The following CNBD1 variants were observed in gnomAD, a reference collection of about 807,000 sequenced individuals.
The protein encoded by CNBD1 is cyclic nucleotide-binding domain-containing protein 1.
A neutral mutation model predicts 54.4 loss-of-function variants in CNBD1; 71 were observed. The ratio of observed to expected loss-of-function variants is 1.30; its 90% CI spans 1.08 to 1.59. CNBD1 has a LOEUF of 1.59. Ranked by LOEUF, CNBD1 falls within the 40% of genes most tolerant of loss-of-function variation. The pLI is 0.00. For missense variants in CNBD1, 659 were observed against 518.0 expected (o/e 1.27, Z -2.64); for synonymous variants, 182 against 170.7 (o/e 1.07, Z -0.51).
intron 4 of CNBD1, among the ~76,000 whole-genome samples, chr8:86,968,796 A>G (rs1808152431): frequency 6.6e-6 from 1 of 152,198 alleles, no homozygotes; most frequent in African/African-American, 2.4e-5. Context: ...CATTTTTTGT[A>G]AGACAACATA....
chr8:87,205,470 CATGT>C (rs1563507048), intron 4 of CNBD1, among the ~76,000 whole-genome samples: 1 of 151,886 alleles, frequency 6.6e-6, no homozygotes, highest in East Asian at 1.9e-4. Context: ...TAATAAATAC[CATGT>C]ATTATATGAT....
At chr8:87,313,613 G>T (rs1809315846) in intron 8 of CNBD1, among the ~76,000 whole-genome samples, 1 of 151,812 alleles carries the variant, frequency 6.6e-6, no homozygotes, top group Admixed American at 6.6e-5. Flanking sequence ...TGCATAACAA[G>T]GGAAGTCTTT....
chr8:87,309,685 C>T lies in CNBD1; in HGVS notation c.1042+23014C>T, dbSNP rs534351557. On this transcript the variant is annotated intron_variant, in intron 8 of 10. Coordinates refer to ENST00000518476, the MANE Select transcript of CNBD1 (RefSeq NM_173538.3). ...CACTTATACCTATGAATAACTATAT[C>T]TACATATAAATCTGTATTTATGTCT... Among the ~76,000 whole-genome samples the T allele has an allele frequency of 5.9e-5, 9 of 152,136 alleles. No individual in the cohort carries two copies. The East Asian group carries it at 1.7e-3, about 29-fold the overall frequency.
chr8:86,975,527 A>G (rs1808322152), intron 4 of CNBD1, among the ~76,000 whole-genome samples: 1 of 152,046 alleles, frequency 6.6e-6, no homozygotes, highest in African/African-American at 2.4e-5. Flanking sequence ...AATGCACTCT[A>G]CATTCACCTA....
intron 8 of CNBD1, among the ~76,000 whole-genome samples, chr8:87,332,805 G>T (rs1048243700): frequency 6.6e-6 from 1 of 151,970 alleles, no homozygotes; most frequent in Admixed American, 6.6e-5. Flanking sequence ...TTGAAGTCAG[G>T]TGATGCCTCC....
Position 87,102,677 on chromosome 8 carries a change from G to T in CNBD1, c.432-103316G>T, listed in dbSNP as rs970530975. Among the ~76,000 whole-genome samples, 13 of 152,030 alleles carry T rather than the reference G, an allele frequency of 8.6e-5. 1 individual carries two copies. Among genetic ancestry groups the T allele is most frequent in the Admixed American group, 7.9e-4 (12 of 15,254 alleles). ...TGCCCAGGCTGGAGTGCAGTGGCGC[G>T]ATTTCGGCTCACTGCAAGCTCTGCC... On this transcript the variant is annotated intron_variant, in intron 4 of 10. Transcript: ENST00000518476.
At chr8:87,132,609 T>C (rs921842411) in intron 4 of CNBD1, among the ~76,000 whole-genome samples, 4 of 147,918 alleles carry the variant, frequency 2.7e-5, no homozygotes, top group Non-Finnish European at 6.0e-5. Context: ...TATCAAGATA[T>C]ATATTTATGT....
rs150763689 is a variant in CNBD1 at position 86,902,299 on chromosome 8, G to T, written c.159-2782G>T. 9.2e-5 allele frequency among the ~76,000 whole-genome samples: 14 copies of T among 152,022 alleles called. No homozygotes were observed. In the East Asian group the frequency reaches 2.1e-3, roughly 23 times the overall value. On this transcript the variant is annotated intron_variant, in intron 2 of 10. Transcript: ENST00000518476. ...TTAATATATACCTTTTTGGGAGTTG[G>T]GGGGGGAGCCATACAATCCATAGCA...
intron 10 of CNBD1, among the ~76,000 whole-genome samples, chr8:87,374,134 A>G (rs575759431): frequency 1.3e-5 from 2 of 151,826 alleles, no homozygotes; most frequent in Non-Finnish European, 2.9e-5. Flanking sequence ...AATGTAGGCA[A>G]TAATGTGCCC....
At chr8:87,020,367 C>T (rs1005109844) in intron 4 of CNBD1, among the ~76,000 whole-genome samples, 3 of 152,076 alleles carry the variant, frequency 2.0e-5, no homozygotes, top group Non-Finnish European at 1.5e-5. Context: ...TGGGAATAAG[C>T]ATTCCTAGTG....
At position 87,230,331 on chromosome 8, in the gene CNBD1, G is replaced by A. The variant is rs1382331364; in HGVS notation, c.578-6588G>A. Among the ~76,000 whole-genome samples the A allele has an allele frequency of 2.0e-5, 3 of 151,964 alleles. No individual in the cohort carries two copies. In the East Asian group the frequency reaches 5.8e-4, roughly 29 times the overall value. ...GACACAGATCCAAACCATATCGAAT[G>A]GTAAGAATTATTTTAATTCCCATTG... On this transcript the variant is annotated intron_variant, in intron 5 of 10. Transcript: ENST00000518476.
At chr8:87,087,262 CATATATATATACGT>C (rs1271563310) in intron 4 of CNBD1, among the ~76,000 whole-genome samples, 3 of 135,102 alleles carry the variant, frequency 2.2e-5, no homozygotes, top group Non-Finnish European at 4.6e-5. Context: ...TATATATATA[CATATATATATACGT>C]ATATATATAT....
At chr8:87,225,037 C>G (rs1325702746) in intron 5 of CNBD1, among the ~76,000 whole-genome samples, 3 of 151,760 alleles carry the variant, frequency 2.0e-5, no homozygotes, top group African/African-American at 7.3e-5. Flanking sequence ...TGATTTGGCT[C>G]TCTGTTTGTC....
At chr8:87,245,192 G>A (rs1807779725) in intron 6 of CNBD1, among the ~76,000 whole-genome samples, 1 of 151,938 alleles carries the variant, frequency 6.6e-6, no homozygotes, top group Non-Finnish European at 1.5e-5. Context: ...GTTAAAATGT[G>A]TGCTGTAACT....
At chr8:87,064,475 C>A (rs1244213563) in intron 4 of CNBD1, among the ~76,000 whole-genome samples, 1 of 151,918 alleles carries the variant, frequency 6.6e-6, no homozygotes, top group Non-Finnish European at 1.5e-5. Flanking sequence ...ATTAAATCCA[C>A]TGTCTTCTTT....
At chr8:87,158,550 T>A (rs1382797470) in intron 4 of CNBD1, among the ~76,000 whole-genome samples, 1 of 152,190 alleles carries the variant, frequency 6.6e-6, no homozygotes, top group Non-Finnish European at 1.5e-5. Flanking sequence ...GTTCATTACA[T>A]TTGAACTTTG....
At position 87,174,822 on chromosome 8, in the gene CNBD1, C is replaced by G. The variant is rs527915262; in HGVS notation, c.432-31171C>G. Among the ~76,000 whole-genome samples, 26 of 152,306 alleles carry G rather than the reference C, an allele frequency of 1.7e-4. No individual in the cohort carries two copies. In the South Asian group the frequency reaches 5.0e-3, roughly 29 times the overall value. ...CCAGTAATGCTGTGGTTCTTGCAGA[C>G]TCATAGAGGTACTGCCTTGGTGGTC... On this transcript the variant is annotated intron_variant, in intron 4 of 10. Transcript: ENST00000518476.
intron 4 of CNBD1, among the ~76,000 whole-genome samples, chr8:86,956,946 G>C (rs975762015): frequency 3.3e-5 from 5 of 152,172 alleles, no homozygotes; most frequent in African/African-American, 1.2e-4. Context: ...TGCCCATTCA[G>C]TATGATATTG....
At chr8:87,236,222 AC>A (rs1807582336) in intron 5 of CNBD1, among the ~76,000 whole-genome samples, 1 of 152,050 alleles carries the variant, frequency 6.6e-6, no homozygotes, top group Non-Finnish European at 1.5e-5. Context: ...TCCCACTCTT[AC>A]CCCCTTATTC....
Sources: allele counts gnomAD v4.1 joint callset (sites outside exome capture counted in the v4.1 genomes callset), GRCh38; gene constraint gnomAD v4.1.1; transcripts MANE v1.5; gene names NCBI Gene and HGNC (gene_info 2026-07-23, HGNC 2026-07-21).